STAG1: variants seen among roughly 807,000 people sequenced by gnomAD.
STAG1 encodes STAG1 cohesin complex component.
Under a neutral mutation model 170.9 loss-of-function variants are expected in STAG1, and 26 were observed. That is an observed-to-expected ratio of 0.15 (90% CI 0.11 to 0.21). STAG1 has a LOEUF of 0.21. STAG1 is among the 10% of genes least tolerant of loss of function. The pLI is 1.00. For synonymous variants in STAG1, 514 were observed against 497.7 expected, an observed-to-expected ratio of 1.03 and a Z score of -0.44; for missense variants, 964 against 1,509.5, an observed-to-expected ratio of 0.64 and a Z score of 5.99.
At chr3:136,671,111 C>T (rs374114466) in intron 1 of STAG1, among the ~76,000 whole-genome samples, 10 of 152,162 alleles carry the variant, frequency 6.6e-5, no homozygotes, top group Admixed American at 2.0e-4. Context: ...ATGGTGAAAC[C>T]TCGTCTCTAC....
At chr3:136,632,756 T>C (rs946351496) in intron 1 of STAG1, among the ~76,000 whole-genome samples, 6 of 152,056 alleles carry the variant, frequency 3.9e-5, no homozygotes, top group Non-Finnish European at 7.4e-5. Context: ...GAGAGAAGCA[T>C]AGGCTTGCAC....
intron 1 of STAG1, among the ~76,000 whole-genome samples, chr3:136,664,967 C>A (rs1941706007): frequency 6.6e-6 from 1 of 152,184 alleles, no homozygotes; most frequent in South Asian, 2.1e-4. Flanking sequence ...AAACTGCAAA[C>A]CACAAAGGAT....
At chr3:136,398,896 G>A (rs1051936342) in intron 21 of STAG1, 67 bp from the exon 22 acceptor site, 35 of 894,140 alleles carry the variant, frequency 3.9e-5, no homozygotes, top group South Asian at 7.0e-5. Context: ...TGTTTGCACC[G>A]TGCTAAGATA....
At chr3:136,747,093 T>TAAA (rs71134408) in intron 1 of STAG1, among the ~76,000 whole-genome samples, 3,125 of 58,918 alleles carry the variant, frequency 0.053, 346 homozygotes, top group African/African-American at 0.11. Flanking sequence ...TGAAACTGTC[T>TAAA]AAAAAAAAAA....
At chr3:136,572,838 C>T (rs1442456315) in intron 4 of STAG1, among the ~76,000 whole-genome samples, 3 of 151,948 alleles carry the variant, frequency 2.0e-5, no homozygotes, top group Admixed American at 6.6e-5. Flanking sequence ...AAAGTTGTAC[C>T]TTTTATAAGC....
rs898222685 is a variant in STAG1 at position 136,502,836 on chromosome 3, T to G, written c.677-57A>C. ...GAATCAAAACTTTATCCATATAAGA[T>G]TACAAATTTATAAAGCCAATGGATG... On this transcript the variant is annotated intron_variant, in intron 7 of 33. Transcript: ENST00000383202. The G allele has an allele frequency of 6.0e-6, 8 of 1,330,790 alleles. No homozygotes were observed. The African/African-American group carries it at 1.1e-4, about 18-fold the overall frequency. The allele number at this position is 1,330,790 out of a possible 1,614,324, so 82.4% of individuals were successfully genotyped here.
intron 22 of STAG1, among the ~76,000 whole-genome samples, chr3:136,396,279 G>A (rs549472432): frequency 1.4e-5 from 2 of 143,856 alleles, no homozygotes; most frequent in African/African-American, 2.6e-5. Flanking sequence ...GCAGCCACGC[G>A]ATCTCTCCGC....
At chr3:136,677,697 C>A (rs937778960) in intron 1 of STAG1, among the ~76,000 whole-genome samples, 15 of 151,804 alleles carry the variant, frequency 9.9e-5, no homozygotes, top group African/African-American at 3.6e-4. Flanking sequence ...TGAGCCCTCG[C>A]CAGACACTGA....
At chr3:136,434,155 C>A (rs1442640283) in intron 15 of STAG1, among the ~76,000 whole-genome samples, 3 of 152,020 alleles carry the variant, frequency 2.0e-5, no homozygotes, top group African/African-American at 7.2e-5. Context: ...CTGAACAATG[C>A]TTCAATAAAC....
chr3:136,373,755 T>A (rs1371663324), intron 23 of STAG1, among the ~76,000 whole-genome samples: 1 of 152,152 alleles, frequency 6.6e-6, no homozygotes, highest in Non-Finnish European at 1.5e-5. Flanking sequence ...TGCTGAGGAT[T>A]GCTTTACTTC....
chr3:136,722,468 A>C (rs904770375), intron 1 of STAG1, among the ~76,000 whole-genome samples: 7 of 152,328 alleles, frequency 4.6e-5, no homozygotes, highest in African/African-American at 1.7e-4. Flanking sequence ...CATCTACTGA[A>C]AAAGAGAAGG....
At chr3:136,497,868 T>A (rs1422119813) in intron 9 of STAG1, among the ~76,000 whole-genome samples, 1 of 132,722 alleles carries the variant, frequency 7.5e-6, no homozygotes, top group Non-Finnish European at 1.6e-5. Context: ...AAAAAAAAAA[T>A]TCCTCAATCT....
At chr3:136,660,843 C>A (rs1941554142) in intron 1 of STAG1, among the ~76,000 whole-genome samples, 1 of 152,046 alleles carries the variant, frequency 6.6e-6, no homozygotes, top group Admixed American at 6.6e-5. Flanking sequence ...GTGGTACACG[C>A]CTGTAGTCCC....
intron 1 of STAG1, among the ~76,000 whole-genome samples, chr3:136,698,635 G>T (rs1270376532): frequency 6.6e-6 from 1 of 152,120 alleles, no homozygotes; most frequent in Non-Finnish European, 1.5e-5. Flanking sequence ...CAATCCCACT[G>T]CTGGGTAAAG....
chr3:136,574,795 G>C (rs1351711693), intron 4 of STAG1, among the ~76,000 whole-genome samples: 3 of 152,132 alleles, frequency 2.0e-5, no homozygotes, highest in Non-Finnish European at 4.4e-5. Flanking sequence ...TGAGTGTATA[G>C]AAGATAGGGA....
chr3:136,357,679 T>C, intron 28 of STAG1, 41 bp downstream of exon 28: 3 of 1,512,432 alleles, frequency 2.0e-6, no homozygotes, highest in South Asian at 2.5e-5. Flanking sequence ...TTTACAACAG[T>C]ATTATTATAA....
chr3:136,555,575 T>C (rs1439540823), intron 5 of STAG1, among the ~76,000 whole-genome samples: 3 of 151,950 alleles, frequency 2.0e-5, no homozygotes, highest in Non-Finnish European at 4.4e-5. Context: ...TCTAGCTACA[T>C]AGGAGGCTGA....
intron 9 of STAG1, among the ~76,000 whole-genome samples, chr3:136,498,694 TAA>T (rs1256373532): frequency 1.5e-5 from 2 of 137,808 alleles, no homozygotes. Flanking sequence ...AAAGTTGCAG[TAA>T]AAAAAAAAAA....
At chr3:136,574,340 G>GTA (rs1244501641) in intron 4 of STAG1, among the ~76,000 whole-genome samples, 4 of 148,520 alleles carry the variant, frequency 2.7e-5, no homozygotes, top group African/African-American at 4.9e-5. Flanking sequence ...ATGTGTGTGT[G>GTA]TATACACACA....
Sources: gnomAD v4.1 joint callset for allele counts (sites outside exome capture counted in the v4.1 genomes callset) on GRCh38, gnomAD v4.1.1 for gene constraint, MANE v1.5 for transcripts, NCBI Gene and HGNC (gene_info 2026-07-23, HGNC 2026-07-21) for gene names.